The following HIBADH variants were observed in gnomAD, a reference collection of about 807,000 sequenced individuals.
HIBADH encodes 3-hydroxyisobutyrate dehydrogenase.
Under a neutral mutation model 36.1 loss-of-function variants are expected in HIBADH, and 25 were observed. The observed-to-expected ratio is 0.69, with a 90% CI of 0.50 to 0.97. The LOEUF is 0.97. Among genes scored for constraint, HIBADH ranks in the 50% least tolerant of loss-of-function variants. HIBADH has a pLI of 0.00. For synonymous variants in HIBADH, 160 were observed against 149.5 expected, an observed-to-expected ratio of 1.07 and a Z score of -0.51; for missense variants, 421 against 418.0, an observed-to-expected ratio of 1.01 and a Z score of -0.06.
chr7:27,660,755 T>C (rs1228361854), intron 1 of HIBADH, among the ~76,000 whole-genome samples: 1 of 152,002 alleles, frequency 6.6e-6, no homozygotes, highest in Non-Finnish European at 1.5e-5. Context: ...TTATCAGAAA[T>C]CTATATTCTG....
At chr7:27,604,195 T>C (rs1417915701) in intron 4 of HIBADH, among the ~76,000 whole-genome samples, 2 of 152,140 alleles carry the variant, frequency 1.3e-5, no homozygotes, top group African/African-American at 2.4e-5. Flanking sequence ...ATTATCATTA[T>C]TTTTCAATGT....
intron 1 of HIBADH, 74 bp from the exon 2 acceptor site, chr7:27,649,707 G>GCAAT (rs1786143959): frequency 3.0e-6 from 4 of 1,335,010 alleles, no homozygotes; most frequent in Non-Finnish European, 4.0e-6. Flanking sequence ...ATATTAGCAA[G>GCAAT]TCAATTGTTA....
chr7:27,614,756 G>A (rs898730498), intron 4 of HIBADH, among the ~76,000 whole-genome samples: 1 of 152,208 alleles, frequency 6.6e-6, no homozygotes, highest in Non-Finnish European at 1.5e-5. Flanking sequence ...TTAAAGATAT[G>A]TCAAGGTATC....
intron 1 of HIBADH, among the ~76,000 whole-genome samples, chr7:27,660,916 C>T (rs974674755): frequency 1.3e-5 from 2 of 152,142 alleles, no homozygotes; most frequent in Admixed American, 1.3e-4. Flanking sequence ...TAAGAACTTT[C>T]ATAACTCTAA....
intron 4 of HIBADH, among the ~76,000 whole-genome samples, chr7:27,608,004 T>C (rs1211934231): frequency 6.6e-6 from 1 of 152,196 alleles, no homozygotes; most frequent in East Asian, 1.9e-4. Context: ...GGAAATGAAA[T>C]GTAATTAATG....
rs1431077445 is a variant in HIBADH, at chr7:27,542,618, A to G, written c.618+349T>C. Among the ~76,000 whole-genome samples, 4 of 151,410 alleles carry G rather than the reference A, an allele frequency of 2.6e-5. No individual in the cohort carries two copies. In the South Asian group the frequency reaches 8.4e-4, roughly 32 times the overall value. ...AAGTGTGTGTCACCACACTCGACTA[A>G]TTTTTTTGTTCTTTGTAGAGATGGG... On this transcript the variant is annotated intron_variant, in intron 5 of 7. Transcript: ENST00000265395.
chr7:27,656,154 T>A (rs1786300271), intron 1 of HIBADH, among the ~76,000 whole-genome samples: 3 of 152,270 alleles, frequency 2.0e-5, no homozygotes, highest in Admixed American at 2.0e-4. Context: ...TACTCTAGTT[T>A]GAAAGCAGCC....
At chr7:27,612,975 TATATATATATTTTATATATATAGG>T (rs1283011988) in intron 4 of HIBADH, among the ~76,000 whole-genome samples, 1 of 138,044 alleles carries the variant, frequency 7.2e-6, no homozygotes, top group Non-Finnish European at 1.5e-5. Context: ...ATATATATAT[TATATATATATTTTATATATATAGG>T]ATATATATAT....
rs940723739 is a variant in HIBADH at position 27,558,139 on chromosome 7, C to G, written c.485-15039G>C. Among the ~76,000 whole-genome samples the G allele has an allele frequency of 1.3e-5, 2 of 151,826 alleles. 1 individual carries two copies. The highest frequency in any genetic ancestry group is 4.2e-4 in the South Asian group (2 of 4,816). On this transcript the variant is annotated intron_variant, in intron 4 of 7. Transcript: ENST00000265395. The stretch of plus-strand genomic sequence containing the variant: ...CTTGATGCTTATGGTTTCTATTTTT[C>G]TTGGTGAAACTTCTTAAAGATTTGT...
chr7:27,581,040 T>C (rs1784779240), intron 4 of HIBADH, among the ~76,000 whole-genome samples: 1 of 152,154 alleles, frequency 6.6e-6, no homozygotes, highest in African/African-American at 2.4e-5. Flanking sequence ...CAGCTGACAC[T>C]GCGTGAGGAT....
intron 1 of HIBADH, among the ~76,000 whole-genome samples, chr7:27,658,934 T>C (rs1786361454): frequency 6.6e-6 from 1 of 152,190 alleles, no homozygotes; most frequent in African/African-American, 2.4e-5. Flanking sequence ...AATACGCTCC[T>C]TATGTAATTT....
intron 4 of HIBADH, among the ~76,000 whole-genome samples, chr7:27,621,061 T>C (rs948624994): frequency 2.6e-5 from 4 of 151,102 alleles, no homozygotes; most frequent in East Asian, 3.9e-4. Flanking sequence ...CAGAAACCAA[T>C]AGCAAGCAAG....
intron 4 of HIBADH, among the ~76,000 whole-genome samples, chr7:27,569,049 TGATTA>T (rs1305198328): frequency 6.6e-6 from 1 of 152,118 alleles, no homozygotes; most frequent in East Asian, 1.9e-4. Context: ...TCTTTTAGTC[TGATTA>T]GATAATTTCC....
intron 4 of HIBADH, among the ~76,000 whole-genome samples, chr7:27,607,320 C>T (rs1268905376): frequency 6.6e-6 from 1 of 152,000 alleles, no homozygotes; most frequent in Non-Finnish European, 1.5e-5. Context: ...CCAGCCTGGC[C>T]AACACGGTGA....
At chr7:27,543,539 T>A (rs1784190073) in intron 4 of HIBADH, among the ~76,000 whole-genome samples, 1 of 152,170 alleles carries the variant, frequency 6.6e-6, no homozygotes, top group Non-Finnish European at 1.5e-5. Flanking sequence ...TCGGGGTTCT[T>A]GCTCACTCAC....
At chr7:27,624,352 C>T (rs574284554) in intron 4 of HIBADH, among the ~76,000 whole-genome samples, 2 of 152,154 alleles carry the variant, frequency 1.3e-5, no homozygotes, top group South Asian at 2.1e-4. Flanking sequence ...ATATCAAAAC[C>T]GCATTACAAT....
intron 2 of HIBADH, among the ~76,000 whole-genome samples, chr7:27,645,497 G>C (rs1183864774): frequency 1.4e-5 from 2 of 147,666 alleles, no homozygotes; most frequent in Non-Finnish European, 3.0e-5. Flanking sequence ...TCCCACCTCA[G>C]CCTCCTGAGT....
In HIBADH at chr7:27,535,449, G is replaced by A. The variant is rs146947844; in HGVS notation, c.695+2892C>T. On this transcript the variant is annotated intron_variant, in intron 6 of 7. Transcript: ENST00000265395. Reference sequence around the variant, plus strand: ...TCAGCTGCTTCAAGCTTCTTTTGGCGGAAGACAATACAGTGGTTGCTGGAG... The same window carrying A: ...TCAGCTGCTTCAAGCTTCTTTTGGCAGAAGACAATACAGTGGTTGCTGGAG... Among the ~76,000 whole-genome samples, 485 of 152,210 alleles carry A rather than the reference G, an allele frequency of 3.2e-3. 6 individuals are homozygous for A. The highest frequency in any genetic ancestry group is 0.011 in the African/African-American group (455 of 41,542).
chr7:27,526,375 A>G lies in HIBADH; in HGVS notation c.853-3T>C. The G allele has an allele frequency of 6.2e-7, 1 of 1,608,292 alleles. No individual in the cohort carries two copies. The highest frequency in any genetic ancestry group is 1.7e-4 in the Middle Eastern group (1 of 6,028). On this transcript the variant is annotated splice_polypyrimidine_tract_variant and splice_region_variant and intron_variant, in intron 7 of 7. Coordinates refer to ENST00000265395, the MANE Select transcript of HIBADH (RefSeq NM_152740.4). ...GAGTCTTGTGCCAATCCCAGATCCT[A>G]AATCAAACAGGAGGAGAGAACACGC...
Sources: allele counts gnomAD v4.1 joint callset (sites outside exome capture counted in the v4.1 genomes callset), GRCh38; gene constraint gnomAD v4.1.1; transcripts MANE v1.5; gene names NCBI Gene and HGNC (gene_info 2026-07-23, HGNC 2026-07-21).